Variants in TESK2 observed in about 807,000 individuals in gnomAD.
TESK2 encodes dual specificity testis-specific protein kinase 2.
In TESK2, 39 loss-of-function variants were observed where a neutral mutation model predicts 57.1. The ratio of observed to expected loss-of-function variants is 0.68; its 90% CI spans 0.53 to 0.89. The LOEUF (loss-of-function observed/expected upper bound fraction) is 0.89, where lower values mean the gene tolerates loss of function less well. Among genes scored for constraint, TESK2 ranks in the 40% least tolerant of loss-of-function variants. The pLI is 0.00. For synonymous variants in TESK2, 249 were observed against 267.9 expected (o/e 0.93, Z 0.69); for missense variants, 646 against 732.1 (o/e 0.88, Z 1.36).
chr1:45,383,570 T>A (rs1200697485), intron 4 of TESK2, among the ~76,000 whole-genome samples: 2 of 152,194 alleles, frequency 1.3e-5, no homozygotes. Flanking sequence ...TGCATTATGA[T>A]CACTCATTAC....
intron 3 of TESK2, among the ~76,000 whole-genome samples, chr1:45,394,679 CTTTTT>C (rs5773871): frequency 7.0e-5 from 4 of 57,400 alleles, no homozygotes; most frequent in Non-Finnish European, 8.9e-5. Context: ...ACAGGAAACT[CTTTTT>C]TTTTTTTTTT....
intron 3 of TESK2, among the ~76,000 whole-genome samples, chr1:45,386,826 G>A (rs530109393): frequency 6.6e-6 from 1 of 152,178 alleles, no homozygotes; most frequent in South Asian, 2.1e-4. Context: ...GCTAATTTTT[G>A]TATTTTTAGT....
At chr1:45,438,180 T>C (rs993441883) in intron 2 of TESK2, among the ~76,000 whole-genome samples, 1 of 152,212 alleles carries the variant, frequency 6.6e-6, no homozygotes, top group African/African-American at 2.4e-5. Context: ...TAAACTCTTT[T>C]CTGATAGAGT....
At position 45,346,601 on chromosome 1, in the gene TESK2, G is replaced by A. The variant is rs1647147497; in HGVS notation, c.879+92C>T. 2.2e-5 allele frequency: 24 copies of A among 1,071,118 alleles called. No homozygotes were observed. In the South Asian group the frequency reaches 2.9e-4, roughly 13 times the overall value. The allele number at this position is 1,071,118 out of a possible 1,614,324, so 66.4% of individuals were successfully genotyped here. A position where few individuals can be genotyped will look rare whatever the true frequency, so the allele number is the denominator to read the frequency against. The stretch of plus-strand genomic sequence containing the variant: ...CTACAGTGAAAATGAGGTCCCTCAT[G>A]AAGCTAATTAGCAGCCTCTCTGTAC... On this transcript the variant is annotated intron_variant, in intron 9 of 10. Transcript: ENST00000372086.
In TESK2 at chr1:45,429,038, G is replaced by T. The variant is rs1376415148; in HGVS notation, c.223-7192C>A. Among the ~76,000 whole-genome samples the T allele has an allele frequency of 2.0e-5, 3 of 149,796 alleles. No homozygotes were observed. In the East Asian group the frequency reaches 6.0e-4, roughly 30 times the overall value. On this transcript the variant is annotated intron_variant, in intron 2 of 10. Coordinates refer to ENST00000372086, the MANE Select transcript of TESK2 (RefSeq NM_007170.3). The stretch of plus-strand genomic sequence containing the variant: ...GGGTTTCACCATGTTAGCCAGGATG[G>T]TCTCGATCTCCTGACCTCGTGATCT...
At position 45,410,227 on chromosome 1, in the gene TESK2, C is replaced by T. The variant is rs139864472; in HGVS notation, c.344+11498G>A. On this transcript the variant is annotated intron_variant, in intron 3 of 10. Transcript: ENST00000372086. ...TTTGTGAACTCTCTTGAGAGTCTTTCACCTAGTTACCCACCAGGATTACAA... is the reference window on the plus strand; with the variant it reads ...TTTGTGAACTCTCTTGAGAGTCTTTTACCTAGTTACCCACCAGGATTACAA... Among the ~76,000 whole-genome samples the T allele has an allele frequency of 4.6e-5, 7 of 152,250 alleles. No homozygotes were observed. In the East Asian group the frequency reaches 1.4e-3, roughly 29 times the overall value.
intron 4 of TESK2, among the ~76,000 whole-genome samples, chr1:45,358,031 AG>A (rs1647516461): frequency 4.3e-5 from 6 of 140,926 alleles, no homozygotes; most frequent in Admixed American, 2.2e-4. Flanking sequence ...AAAAAAAAAA[AG>A]CCTGGGCACA....
At chr1:45,394,273 C>T (rs1479812501) in intron 3 of TESK2, among the ~76,000 whole-genome samples, 1 of 150,068 alleles carries the variant, frequency 6.7e-6, no homozygotes. Context: ...TCCTGTCTCA[C>T]TGTCTCAGCC....
Position 45,471,468 on chromosome 1 carries a change from C to T in TESK2, c.-86-13597G>A, listed in dbSNP as rs572561932. Among the ~76,000 whole-genome samples, 274 of 150,078 alleles carry T rather than the reference C, an allele frequency of 1.8e-3. 1 individual carries two copies. The highest frequency in any genetic ancestry group is 6.2e-3 in the African/African-American group (253 of 40,894). The stretch of plus-strand genomic sequence containing the variant: ...TTGCCCAGGCTGGAGAACAGTGGTG[C>T]GATCTCGGCTCACTGCAACCTCTGC... On this transcript the variant is annotated intron_variant, in intron 1 of 10. Coordinates refer to ENST00000372086, the MANE Select transcript of TESK2 (RefSeq NM_007170.3).
At chr1:45,487,157 CCCA>C (rs1220171459) in intron 1 of TESK2, among the ~76,000 whole-genome samples, 1 of 152,080 alleles carries the variant, frequency 6.6e-6, no homozygotes, top group Non-Finnish European at 1.5e-5. Flanking sequence ...AGAATCAAAG[CCCA>C]TCATATGTCA....
Position 45,453,964 on chromosome 1 carries a change from A to G in TESK2, c.222+3600T>C, listed in dbSNP as rs147063010. ...TAGAAAAATGCAAATCAAAACCACA[A>G]TGAGATACCACTTTTCACACCAAAT... On this transcript the variant is annotated intron_variant, in intron 2 of 10. Transcript: ENST00000372086. Among the ~76,000 whole-genome samples, 12 of 152,330 alleles carry G rather than the reference A, an allele frequency of 7.9e-5. No homozygotes were observed. The East Asian group carries it at 2.1e-3, about 27-fold the overall frequency.
chr1:45,419,223 G>A (rs753068240), intron 3 of TESK2, among the ~76,000 whole-genome samples: 3 of 152,050 alleles, frequency 2.0e-5, no homozygotes, highest in African/African-American at 4.8e-5. Flanking sequence ...TGATCTGCCT[G>A]CCTCAGCCTC....
At chr1:45,433,337 C>T (rs1651061192) in intron 2 of TESK2, among the ~76,000 whole-genome samples, 1 of 152,060 alleles carries the variant, frequency 6.6e-6, no homozygotes, top group African/African-American at 2.4e-5. Context: ...CCTTGGCCTC[C>T]CAAAGTGCTG....
Position 45,364,218 on chromosome 1 carries a change from T to C in TESK2, c.394-8769A>G, listed in dbSNP as rs141842005. On this transcript the variant is annotated intron_variant, in intron 4 of 10. Transcript: ENST00000372086. ...TGGTAAGGTAACTATAAATGTGACC[T>C]TATTTGGAAATAGGGTCTTTGCCAA... is the stretch of plus-strand genomic sequence containing the variant. Among the ~76,000 whole-genome samples the C allele has an allele frequency of 1.2e-4, 18 of 152,310 alleles. 1 individual carries two copies. In the East Asian group the frequency reaches 3.3e-3, roughly 28 times the overall value.
intron 1 of TESK2, among the ~76,000 whole-genome samples, chr1:45,470,496 T>C (rs933057946): frequency 6.6e-6 from 1 of 152,234 alleles, no homozygotes; most frequent in African/African-American, 2.4e-5. Context: ...ATCCCTTATC[T>C]AATTAACCAC....
chr1:45,355,435 C>G lies in TESK2; in HGVS notation c.408G>C (p.Gly136=). 1.9e-6 allele frequency: 3 copies of G among 1,608,936 alleles called. No homozygotes were observed. Residue 136 remains glycine (G), a synonymous_variant, in exon 5 of 11, where the codon GGG becomes GGC. Coordinates refer to ENST00000372086, the MANE Select transcript of TESK2 (RefSeq NM_007170.3). ...TACTGTCTAGCAACTGTTCCAGGTT[C>G]CCGGAGTTGATATACTGCAAAACAG... The part of the protein sequence containing the change: ...LHALTEYINS[G]NLEQLLDSNL...
intron 1 of TESK2, among the ~76,000 whole-genome samples, chr1:45,468,363 A>G (rs1317583291): frequency 6.6e-6 from 1 of 152,184 alleles, no homozygotes; most frequent in African/African-American, 2.4e-5. Flanking sequence ...AAAACTTCCA[A>G]ACCATGCCTT....
intron 2 of TESK2, among the ~76,000 whole-genome samples, chr1:45,433,451 C>G (rs1448300328): frequency 6.6e-6 from 1 of 151,670 alleles, no homozygotes; most frequent in Non-Finnish European, 1.5e-5. Flanking sequence ...CGCACCCTTC[C>G]CAGCCTCTGG....
rs150696331 is a variant in TESK2, at chr1:45,344,870, G to A, written c.1686C>T (p.Gly562=). 1.2e-6 allele frequency: 2 copies of A among 1,613,362 alleles called. No homozygotes were observed. Among genetic ancestry groups the A allele is most frequent in the Admixed American group, 1.7e-5 (1 of 60,020 alleles). ...TPATFSTSGI[G]LQTQGKQDG ...CATCCTGCTTTCCCTGGGTTTGCAG[G>A]CCTATGCCTGAGGTGGAGAAGGTGG... is the stretch of plus-strand genomic sequence containing the variant. Residue 562 remains glycine (G), a synonymous_variant, in exon 11 of 11, where the codon GGC becomes GGT. Transcript: ENST00000372086.
Sources: allele counts gnomAD v4.1 joint callset (sites outside exome capture counted in the v4.1 genomes callset), GRCh38; gene constraint gnomAD v4.1.1; transcripts MANE v1.5; gene names NCBI Gene and HGNC (gene_info 2026-07-23, HGNC 2026-07-21).